The following SEMA3A variants were observed in gnomAD, a reference collection of about 807,000 sequenced individuals.
SEMA3A encodes semaphorin-3A.
Under a neutral mutation model 97.9 loss-of-function variants are expected in SEMA3A, and 29 were observed. The observed-to-expected ratio is 0.30, with a 90% CI of 0.22 to 0.40. The LOEUF (loss-of-function observed/expected upper bound fraction) is 0.40, where lower values mean the gene tolerates loss of function less well. SEMA3A is among the 10% of genes least tolerant of loss of function. SEMA3A has a pLI of 1.00. For synonymous variants in SEMA3A, 321 were observed against 323.7 expected (o/e 0.99, Z 0.09); for missense variants, 763 against 951.3 (o/e 0.80, Z 2.60).
At position 84,110,542 on chromosome 7, in the gene SEMA3A, A is replaced by G; in HGVS notation, c.381T>C (p.Thr127=). ...FIKVLKAYNQ[T]HLYACGTGAF... ...CCCCCGTTCCACAGGCGTACAAGTGAGTCTGATTATATGCCTTAAGTACCT... is the reference window on the plus strand; with the variant it reads ...CCCCCGTTCCACAGGCGTACAAGTGGGTCTGATTATATGCCTTAAGTACCT... The change falls in exon 4 of 17, where the codon ACT becomes ACC. Residue 127 remains threonine (T), a synonymous_variant. Coordinates refer to ENST00000265362, the MANE Select transcript of SEMA3A (RefSeq NM_006080.3). 1 of 1,613,966 alleles carries G rather than the reference A, an allele frequency of 6.2e-7. No individual in the cohort carries two copies. The highest frequency in any genetic ancestry group is 8.5e-7 in the Non-Finnish European group (1 of 1,179,884).
intron 1 of SEMA3A, among the ~76,000 whole-genome samples, chr7:84,146,234 T>C (rs562946054): frequency 6.6e-6 from 1 of 152,230 alleles, no homozygotes; most frequent in African/African-American, 2.4e-5. Context: ...ATGGGTCAAA[T>C]TATACGTGGA....
intron 3 of SEMA3A, among the ~76,000 whole-genome samples, chr7:84,276,985 C>G (rs958848814): frequency 6.6e-6 from 1 of 152,004 alleles, no homozygotes; most frequent in African/African-American, 2.4e-5. Context: ...CATTAGGCCA[C>G]TTATGAATTC....
At chr7:84,381,801 T>C (rs1260315387) in intron 1 of SEMA3A, among the ~76,000 whole-genome samples, 1 of 152,154 alleles carries the variant, frequency 6.6e-6, no homozygotes, top group Non-Finnish European at 1.5e-5. Flanking sequence ...CAGTAGCAAA[T>C]ACAGTTGATT....
chr7:83,977,944 C>A (rs1283107600), intron 14 of SEMA3A, among the ~76,000 whole-genome samples: 3 of 151,834 alleles, frequency 2.0e-5, no homozygotes, highest in Non-Finnish European at 4.4e-5. Context: ...GCTGGGACTA[C>A]AGGCAGCCGC....
intron 5 of SEMA3A, among the ~76,000 whole-genome samples, chr7:84,049,909 A>G (rs868269833): frequency 7.9e-6 from 1 of 126,468 alleles, no homozygotes; most frequent in Non-Finnish European, 1.6e-5. Flanking sequence ...GTTCCCCTTC[A>G]TGTGTCCATG....
At chr7:84,025,902 G>A (rs776172867) in intron 6 of SEMA3A, among the ~76,000 whole-genome samples, 6 of 152,142 alleles carry the variant, frequency 3.9e-5, no homozygotes, top group Non-Finnish European at 8.8e-5. Flanking sequence ...CAAGCTACAT[G>A]GAGTGTTTGC....
chr7:84,020,035 C>CTTTT (rs781108685), intron 6 of SEMA3A, among the ~76,000 whole-genome samples: 1,842 of 58,400 alleles, frequency 0.032, 216 homozygotes, highest in Middle Eastern at 0.053. Flanking sequence ...TTTTTTCTTT[C>CTTTT]TTTTTTTTTT....
intron 2 of SEMA3A, among the ~76,000 whole-genome samples, chr7:84,311,906 T>C (rs919717527): frequency 9.9e-5 from 15 of 151,916 alleles, no homozygotes; most frequent in African/African-American, 3.6e-4. Flanking sequence ...TGCTTTCCAA[T>C]TTTGCAAATA....
At chr7:84,129,314 C>T in intron 2 of SEMA3A, 129 bp from the exon 3 acceptor site, 1 of 755,096 alleles carries the variant, frequency 1.3e-6, no homozygotes, top group East Asian at 2.6e-5. Flanking sequence ...TTTCAGGAAA[C>T]TTTCACTTTA....
chr7:84,217,906 C>T (rs914891508), intron 3 of SEMA3A, among the ~76,000 whole-genome samples: 11 of 151,920 alleles, frequency 7.2e-5, no homozygotes, highest in South Asian at 2.1e-4. Flanking sequence ...CAAAGTAAGA[C>T]GCCATCTCTA....
At chr7:84,398,295 G>A (rs1803793329) in intron 1 of SEMA3A, among the ~76,000 whole-genome samples, 1 of 152,162 alleles carries the variant, frequency 6.6e-6, no homozygotes, top group Non-Finnish European at 1.5e-5. Context: ...TATATGAGGA[G>A]CTTTATACCA....
At chr7:84,191,823 C>A (rs1798047400) in intron 1 of SEMA3A, among the ~76,000 whole-genome samples, 1 of 151,766 alleles carries the variant, frequency 6.6e-6, no homozygotes, top group African/African-American at 2.4e-5. Flanking sequence ...AGCCAGCATA[C>A]CCCATTTTTC....
chr7:84,461,138 T>A (rs542572095), intron 1 of SEMA3A, among the ~76,000 whole-genome samples: 18 of 152,276 alleles, frequency 1.2e-4, no homozygotes, highest in African/African-American at 4.3e-4. Flanking sequence ...ATAAACTTCA[T>A]CCTAAATGTC....
At chr7:84,203,533 T>A (rs1253772509) in intron 3 of SEMA3A, among the ~76,000 whole-genome samples, 2 of 120,128 alleles carry the variant, frequency 1.7e-5, no homozygotes, top group Admixed American at 8.3e-5. Context: ...TATATTTTTT[T>A]TTTTTTTTTT....
intron 6 of SEMA3A, among the ~76,000 whole-genome samples, chr7:84,025,222 T>C (rs934946442): frequency 1.3e-5 from 2 of 152,184 alleles, no homozygotes; most frequent in Admixed American, 6.5e-5. Flanking sequence ...TAATTATAAA[T>C]TATGTAAATT....
intron 1 of SEMA3A, among the ~76,000 whole-genome samples, chr7:84,155,123 G>A (rs372438911): frequency 1.2e-4 from 19 of 152,100 alleles, no homozygotes; most frequent in East Asian, 5.8e-4. Context: ...GGACTAAGTC[G>A]AGGTTTTCTC....
intron 1 of SEMA3A, among the ~76,000 whole-genome samples, chr7:84,420,675 C>T (rs535983804): frequency 1.3e-5 from 2 of 152,058 alleles, no homozygotes; most frequent in Admixed American, 6.6e-5. Context: ...TTCTGAGAAA[C>T]ATTACAAGCA....
intron 3 of SEMA3A, among the ~76,000 whole-genome samples, chr7:84,214,852 CCA>C (rs1209865489): frequency 6.6e-5 from 10 of 151,670 alleles, no homozygotes; most frequent in African/African-American, 2.2e-4. Context: ...GCACCTGCTA[CCA>C]CACCCAGCTA....
At chr7:83,977,280 AT>A in intron 14 of SEMA3A, 84 bp from the exon 15 acceptor site, 2 of 442,774 alleles carry the variant, frequency 4.5e-6, no homozygotes, top group African/African-American at 4.2e-5. Context: ...GAGAAATAAA[AT>A]ATATATATAT....
Sources: allele counts gnomAD v4.1 joint callset (sites outside exome capture counted in the v4.1 genomes callset), GRCh38; gene constraint gnomAD v4.1.1; transcripts MANE v1.5; gene names NCBI Gene and HGNC (gene_info 2026-07-23, HGNC 2026-07-21).